CDK7: variants seen among roughly 807,000 people sequenced by gnomAD.
The protein encoded by CDK7 is cyclin-dependent kinase 7.
Under a neutral mutation model 49.1 loss-of-function variants are expected in CDK7, and 25 were observed. The ratio of observed to expected loss-of-function variants is 0.51; its 90% CI spans 0.37 to 0.71. The LOEUF (loss-of-function observed/expected upper bound fraction) is 0.71. CDK7 is among the 30% of genes least tolerant of loss of function. CDK7 has a pLI of 0.00. For missense variants in CDK7, 316 were observed against 411.7 expected (o/e 0.77, Z 2.01); for synonymous variants, 107 against 140.0 (o/e 0.76, Z 1.67).
At chr5:69,235,152 C>T (rs972778226) in intron 1 of CDK7, 111 bp downstream of exon 1, 7 of 1,072,068 alleles carry the variant, frequency 6.5e-6, no homozygotes, top group East Asian at 2.6e-5. Flanking sequence ...TGCTCGTTCT[C>T]GTTGGGGGAA....
intron 2 of CDK7, among the ~76,000 whole-genome samples, chr5:69,245,529 T>C (rs1749695965): frequency 2.0e-5 from 3 of 151,692 alleles, no homozygotes; most frequent in Admixed American, 2.0e-4. Flanking sequence ...TTAGTAGCGA[T>C]GGGGTTTCAC....
rs539252402 is a variant in CDK7, at chr5:69,238,909, C to T, written c.126+3456C>T. 3.9e-5 allele frequency among the ~76,000 whole-genome samples: 6 copies of T among 152,164 alleles called. No homozygotes were observed. The South Asian group carries it at 6.2e-4, about 16-fold the overall frequency. ...ACATTATTTCCGAAATCCTCTATAT[C>T]GTATGATACATGTAGATCCAGTTGA... is the stretch of plus-strand genomic sequence containing the variant. On this transcript the variant is annotated intron_variant, in intron 2 of 11. Transcript: ENST00000256443.
At position 69,261,920 on chromosome 5, in the gene CDK7, T is replaced by G. The variant is rs376562637; in HGVS notation, c.528-285T>G. Among the ~76,000 whole-genome samples, 7 of 152,250 alleles carry G rather than the reference T, an allele frequency of 4.6e-5. No individual in the cohort carries two copies. The South Asian group carries it at 1.5e-3, about 32-fold the overall frequency. ...ACTGGGCAGAGAATGAGGAGGCACCTATTAGGGGAGGTAGGGTCCAGAGAA... is the reference window on the plus strand; with the variant it reads ...ACTGGGCAGAGAATGAGGAGGCACCGATTAGGGGAGGTAGGGTCCAGAGAA... On this transcript the variant is annotated intron_variant, in intron 7 of 11. Coordinates refer to ENST00000256443, the MANE Select transcript of CDK7 (RefSeq NM_001799.4).
At chr5:69,267,679 CTG>C (rs34601578) in intron 8 of CDK7, among the ~76,000 whole-genome samples, 42,163 of 151,938 alleles carry the variant, frequency 0.28, 6,449 homozygotes, top group East Asian at 0.4. Flanking sequence ...AAAATCAAGT[CTG>C]TATTCAGATT....
chr5:69,237,607 C>T (rs1365076228), intron 2 of CDK7, among the ~76,000 whole-genome samples: 1 of 152,170 alleles, frequency 6.6e-6, no homozygotes, highest in Non-Finnish European at 1.5e-5. Flanking sequence ...ATTCCATTCA[C>T]ACTGTACCTA....
chr5:69,260,873 G>A (rs564872590), intron 7 of CDK7, among the ~76,000 whole-genome samples: 33 of 152,034 alleles, frequency 2.2e-4, no homozygotes, highest in African/African-American at 7.7e-4. Context: ...GCTGAAGTGC[G>A]GTTGTGCAAA....
chr5:69,250,426 G>T (rs1305397036), intron 2 of CDK7, among the ~76,000 whole-genome samples: 1 of 152,126 alleles, frequency 6.6e-6, no homozygotes. Context: ...CCTTTCTTCA[G>T]GCAGAGGAGT....
chr5:69,237,399 A>G (rs760899795), intron 2 of CDK7, among the ~76,000 whole-genome samples: 1 of 152,182 alleles, frequency 6.6e-6, no homozygotes, highest in African/African-American at 2.4e-5. Flanking sequence ...CTTGGTTGGT[A>G]TATTTTCCGT....
At chr5:69,242,014 C>T (rs1749425560) in intron 2 of CDK7, among the ~76,000 whole-genome samples, 1 of 152,108 alleles carries the variant, frequency 6.6e-6, no homozygotes, top group African/African-American at 2.4e-5. Context: ...CCACTGTTTT[C>T]TTTTAGTAGT....
At position 69,245,447 on chromosome 5, in the gene CDK7, TCTC is replaced by T. The variant is rs1749690971; in HGVS notation, c.127-6968_127-6966del. 2.6e-5 allele frequency among the ~76,000 whole-genome samples: 4 copies of T among 151,818 alleles called. No individual in the cohort carries two copies. In the Middle Eastern group the frequency reaches 0.014, roughly 516 times the overall value. The stretch of plus-strand genomic sequence containing the variant: ...ACCTCCACCTCCTGGGTTCAAGTAT[TCTC>T]CTGCCTCAGCCTCCCAAGTAGCTGG... On this transcript the variant is annotated intron_variant, in intron 2 of 11. Transcript: ENST00000256443.
At chr5:69,235,632 C>T (rs1748917957) in intron 2 of CDK7, 179 bp downstream of exon 2, 1 of 609,870 alleles carries the variant, frequency 1.6e-6, no homozygotes, top group Non-Finnish European at 2.9e-6. Flanking sequence ...GGGTTGAACC[C>T]GTTTTAATTT....
At position 69,248,215 on chromosome 5, in the gene CDK7, A is replaced by G. The variant is rs182674188; in HGVS notation, c.127-4203A>G. ...GAAGGATAATTTTGCTGAATATACT[A>G]TTCTAGGTTAAAAGTTATTTTCCTT... On this transcript the variant is annotated intron_variant, in intron 2 of 11. Coordinates refer to ENST00000256443, the MANE Select transcript of CDK7 (RefSeq NM_001799.4). Among the ~76,000 whole-genome samples the G allele has an allele frequency of 1.3e-3, 202 of 152,188 alleles. 1 individual carries two copies. The highest frequency in any genetic ancestry group is 7.4e-3 in the Admixed American group (113 of 15,278).
chr5:69,269,872 C>T (rs531022727), intron 9 of CDK7, among the ~76,000 whole-genome samples: 3 of 150,940 alleles, frequency 2.0e-5, no homozygotes, highest in South Asian at 4.2e-4. Flanking sequence ...CATGAGCCAG[C>T]GCACTTGGCT....
chr5:69,262,678 A>AAAAAAAG (rs1554065537), intron 8 of CDK7, among the ~76,000 whole-genome samples: 5 of 151,668 alleles, frequency 3.3e-5, no homozygotes, highest in Non-Finnish European at 7.4e-5. Flanking sequence ...CAAAAAAAAA[A>AAAAAAAG]AAAAAGAAAA....
intron 6 of CDK7, among the ~76,000 whole-genome samples, chr5:69,259,418 A>G (rs1750681680): frequency 1.3e-5 from 2 of 152,186 alleles, no homozygotes; most frequent in Non-Finnish European, 1.5e-5. Flanking sequence ...ATGTCTTTTT[A>G]GCATGGATTT....
chr5:69,246,087 T>C (rs1038787632), intron 2 of CDK7, among the ~76,000 whole-genome samples: 2 of 152,104 alleles, frequency 1.3e-5, no homozygotes, highest in South Asian at 2.1e-4. Flanking sequence ...GCACCTCTTA[T>C]GGTGGCAGGA....
At chr5:69,274,267 T>C (rs1751875210) in intron 10 of CDK7, among the ~76,000 whole-genome samples, 1 of 152,198 alleles carries the variant, frequency 6.6e-6, no homozygotes, top group Non-Finnish European at 1.5e-5. Context: ...GAATGAGGTA[T>C]TTTCTTAGAT....
At chr5:69,236,686 T>G (rs974217679) in intron 2 of CDK7, among the ~76,000 whole-genome samples, 1 of 151,886 alleles carries the variant, frequency 6.6e-6, no homozygotes, top group Non-Finnish European at 1.5e-5. Context: ...AGAATTTTGC[T>G]TGTTGCCCAG....
chr5:69,256,890 C>T (rs911806900), intron 5 of CDK7, among the ~76,000 whole-genome samples: 2 of 151,958 alleles, frequency 1.3e-5, no homozygotes, highest in African/African-American at 4.8e-5. Context: ...AAAACGTATG[C>T]CAGAATTCAG....
Sources: gnomAD v4.1 joint callset for allele counts (sites outside exome capture counted in the v4.1 genomes callset) on GRCh38, gnomAD v4.1.1 for gene constraint, MANE v1.5 for transcripts, NCBI Gene and HGNC (gene_info 2026-07-23, HGNC 2026-07-21) for gene names.